The following STAMBP variants were observed in gnomAD, a reference collection of about 807,000 sequenced individuals.
STAMBP encodes the protein STAM binding protein, also known as STAM-binding protein.
Under a neutral mutation model 50.7 loss-of-function variants are expected in STAMBP, and 31 were observed. The ratio of observed to expected loss-of-function variants is 0.61; its 90% CI spans 0.46 to 0.83. The LOEUF is 0.83. STAMBP is among the 40% of genes least tolerant of loss of function. The pLI is 0.00. For synonymous variants in STAMBP, 211 were observed against 192.4 expected (o/e 1.10, Z -0.80); for missense variants, 472 against 518.9 (o/e 0.91, Z 0.88).
chr2:73,839,296 A>G (rs1040202917), intron 2 of STAMBP, among the ~76,000 whole-genome samples: 2 of 152,218 alleles, frequency 1.3e-5, no homozygotes, highest in African/African-American at 4.8e-5. Flanking sequence ...AAATCAGTAC[A>G]TATTTTCATG....
At chr2:73,860,444 G>T (rs938168716) in intron 9 of STAMBP, 1 of 589,470 alleles carries the variant, frequency 1.7e-6, no homozygotes, top group Non-Finnish European at 2.3e-6. Flanking sequence ...TTCTTGAGAT[G>T]ATTAAATGAA....
At chr2:73,835,455 A>G (rs1266392482) in intron 2 of STAMBP, among the ~76,000 whole-genome samples, 1 of 151,970 alleles carries the variant, frequency 6.6e-6, no homozygotes, top group Non-Finnish European at 1.5e-5. Context: ...AAGTGCTAGG[A>G]TTACAGGTGT....
intron 2 of STAMBP, among the ~76,000 whole-genome samples, chr2:73,837,995 A>G (rs1211089755): frequency 6.6e-6 from 1 of 152,208 alleles, no homozygotes; most frequent in African/African-American, 2.4e-5. Flanking sequence ...GTAGCCACCT[A>G]TGTCAGATGG....
downstream of STAMBP, chr2:73,870,240 G>A (rs1163984365): frequency 2.0e-5 from 3 of 152,228 alleles, no homozygotes; most frequent in African/African-American, 7.2e-5. Flanking sequence ...CTTGGGCGTA[G>A]CAGCAGAGGC....
Position 73,844,996 on chromosome 2 carries a change from G to A in STAMBP, c.279+108G>A. 6 of 1,527,464 alleles carry A rather than the reference G, an allele frequency of 3.9e-6. No homozygotes were observed. In the South Asian group the frequency reaches 7.7e-5, roughly 19 times the overall value. 94.6% of individuals were successfully genotyped at this position (1,527,464 alleles called of 1,614,324 possible). ...CATCTGAGTACCAGATCCTGCAATA[G>A]GAGATAAGGCCATTTCACCACAACA... On this transcript the variant is annotated intron_variant, in intron 3 of 9. Coordinates refer to ENST00000394070, the MANE Select transcript of STAMBP (RefSeq NM_213622.4).
At chr2:73,836,649 C>T (rs1181510516) in intron 2 of STAMBP, among the ~76,000 whole-genome samples, 1 of 152,240 alleles carries the variant, frequency 6.6e-6, no homozygotes, top group South Asian at 2.1e-4. Context: ...GGGTCAGAGA[C>T]TAGAGGCTGG....
At chr2:73,860,472 C>G (rs902250522) in intron 9 of STAMBP, 1 of 711,904 alleles carries the variant, frequency 1.4e-6, no homozygotes, top group East Asian at 9.1e-5. Context: ...GCAGGAAGTA[C>G]GTAATGCAGT....
At chr2:73,836,652 G>A (rs1674750139) in intron 2 of STAMBP, among the ~76,000 whole-genome samples, 1 of 152,242 alleles carries the variant, frequency 6.6e-6, no homozygotes, top group Admixed American at 6.5e-5. Flanking sequence ...TCAGAGACTA[G>A]AGGCTGGGAG....
chr2:73,856,852 G>A (rs1413463401), intron 7 of STAMBP, among the ~76,000 whole-genome samples: 2 of 152,172 alleles, frequency 1.3e-5, no homozygotes, highest in Admixed American at 1.3e-4. Flanking sequence ...GCAGGTATGT[G>A]CCTGAAGGAG....
chr2:73,857,413 C>T (rs929399082), intron 7 of STAMBP, among the ~76,000 whole-genome samples: 1 of 152,128 alleles, frequency 6.6e-6, no homozygotes, highest in Non-Finnish European at 1.5e-5. Flanking sequence ...TCTGCCTACT[C>T]CAGTTCCCCC....
Position 73,847,703 on chromosome 2 carries a change from C to G in STAMBP, c.692C>G (p.Pro231Arg). ...CHTTVRPAKP[P>R]VVDRSLKPGA... ...ACAACTGTAAGGCCAGCTAAGCCAC[C>G]TGTGGTGGACAGGTCCTTGAAACCT... The change falls in exon 5 of 10, where the codon CCT (proline) becomes CGT (arginine). Residue 231 changes from proline to arginine, a missense_variant. Pro to Arg is a moderately radical substitution (Grantham distance 103). Coordinates refer to ENST00000394070, the MANE Select transcript of STAMBP (RefSeq NM_213622.4). The G allele has an allele frequency of 1.2e-6, 2 of 1,614,176 alleles. No homozygotes were observed. The highest frequency in any genetic ancestry group is 1.7e-6 in the Non-Finnish European group (2 of 1,180,014).
downstream of STAMBP, among the ~76,000 whole-genome samples, chr2:73,868,536 A>T (rs186858130): frequency 0.035 from 5,361 of 152,218 alleles, 135 homozygotes; most frequent in Middle Eastern, 0.1. Context: ...ATAAAAAAAA[A>T]TTTTTTTAAG....
chr2:73,832,108 T>TATACACACACAC (rs1006072205), intron 2 of STAMBP, among the ~76,000 whole-genome samples: 11 of 122,896 alleles, frequency 9.0e-5, no homozygotes, highest in African/African-American at 3.9e-4. Flanking sequence ...TATATATATA[T>TATACACACACAC]ACACATATAT....
intron 7 of STAMBP, among the ~76,000 whole-genome samples, chr2:73,853,131 C>T (rs945120897): frequency 5.9e-5 from 9 of 152,036 alleles, no homozygotes; most frequent in African/African-American, 2.2e-4. Context: ...ATGGTGAAGA[C>T]TCGGATCGGC....
At chr2:73,836,868 CT>C (rs1022651298) in intron 2 of STAMBP, among the ~76,000 whole-genome samples, 3 of 152,170 alleles carry the variant, frequency 2.0e-5, no homozygotes, top group Non-Finnish European at 4.4e-5. Flanking sequence ...GAAATGGAGG[CT>C]TAGGCCTGGC....
chr2:73,851,805 A>G (rs568110308), intron 7 of STAMBP, among the ~76,000 whole-genome samples: 15 of 152,142 alleles, frequency 9.9e-5, no homozygotes, highest in African/African-American at 3.6e-4. Flanking sequence ...ATGCCCAGCT[A>G]ATTTTTGTAT....
At chr2:73,834,093 CCCAG>C (rs957202642) in intron 2 of STAMBP, among the ~76,000 whole-genome samples, 4 of 149,834 alleles carry the variant, frequency 2.7e-5, no homozygotes, top group Non-Finnish European at 5.9e-5. Flanking sequence ...TGCCTGTAAC[CCCAG>C]CCACTTGGGA....
At chr2:73,843,946 C>A (rs919643757) in intron 2 of STAMBP, among the ~76,000 whole-genome samples, 1 of 152,290 alleles carries the variant, frequency 6.6e-6, no homozygotes, top group Admixed American at 6.5e-5. Context: ...TCCAGTAGTT[C>A]TAGACATTCC....
rs769273986 is a variant in STAMBP, at chr2:73,847,506, C to T, written c.495C>T (p.Phe165=). Residue 165 remains phenylalanine, a synonymous_variant, in exon 5 of 10, where the codon TTC becomes TTT. Coordinates refer to ENST00000394070, the MANE Select transcript of STAMBP (RefSeq NM_213622.4). ...TGGAACAGGAACAGTTCCATGCCTT[C>T]GAGGAGATGATCCGGAACCAGGAGC... ...QQLEQEQFHA[F]EEMIRNQELE... The T allele has an allele frequency of 6.2e-6, 10 of 1,614,104 alleles. No individual in the cohort carries two copies. The highest frequency in any genetic ancestry group is 2.7e-5 in the African/African-American group (2 of 75,040).
Sources: allele counts gnomAD v4.1 joint callset (sites outside exome capture counted in the v4.1 genomes callset), GRCh38; gene constraint gnomAD v4.1.1; transcripts MANE v1.5; gene names NCBI Gene and HGNC (gene_info 2026-07-23, HGNC 2026-07-21).